The following OLFM1 variants were observed in gnomAD, a reference collection of about 807,000 sequenced individuals.
OLFM1 encodes olfactomedin 1, also known as noelin.
A neutral mutation model predicts 49.7 loss-of-function variants in OLFM1; 9 were observed. The ratio of observed to expected loss-of-function variants is 0.18; its 90% confidence interval spans 0.11 to 0.32. The LOEUF (loss-of-function observed/expected upper bound fraction) is 0.32, where lower values mean the gene tolerates loss of function less well. OLFM1 is among the 10% of genes least tolerant of loss of function. The pLI is 1.00. For synonymous variants in OLFM1, 240 were observed against 271.8 expected, an observed-to-expected ratio of 0.88 and a Z score of 1.15; for missense variants, 369 against 661.8, an observed-to-expected ratio of 0.56 and a Z score of 4.85.
intron 3 of OLFM1, chr9:135,097,959 G>C: frequency 7.0e-7 from 1 of 1,437,846 alleles, no homozygotes; most frequent in Non-Finnish European, 9.1e-7. Context: ...CTTTGCATGC[G>C]ACTGTAGCTG....
At chr9:135,083,274 C>T (rs762212264), upstream of OLFM1, among the ~76,000 whole-genome samples, 17 of 152,162 alleles carry the variant, frequency 1.1e-4, no homozygotes, top group African/African-American at 1.4e-4. Context: ...CTTTTCCATT[C>T]GGCAACTAAG....
chr9:135,106,553 G>A, intron 4 of OLFM1, 196 bp from the exon 5 acceptor site: 1 of 583,254 alleles, frequency 1.7e-6, no homozygotes, highest in Admixed American at 3.0e-5. Flanking sequence ...GTTTTGGGGA[G>A]GAGGTGGCTT....
chr9:135,119,107 AAGTGCTCACCG>A, intron 5 of OLFM1, among the ~76,000 whole-genome samples: 1 of 138,496 alleles, frequency 7.2e-6, no homozygotes. Flanking sequence ...GGGCCTTTGG[AAGTGCTCACCG>A]GGTCTTTGGA....
chr9:135,115,000 G>C (rs1027859267), intron 5 of OLFM1, among the ~76,000 whole-genome samples: 4 of 152,184 alleles, frequency 2.6e-5, no homozygotes, highest in Non-Finnish European at 5.9e-5. Flanking sequence ...GAAGGATGAG[G>C]CCAGGCAGGA....
chr9:135,082,379 C>T (rs767749449), intron 1 of OLFM1, among the ~76,000 whole-genome samples: 5 of 144,876 alleles, frequency 3.5e-5, no homozygotes, highest in Non-Finnish European at 6.1e-5. Context: ...GGGGATTTCC[C>T]TACCATACAA....
chr9:135,108,355 C>T (rs1016803159), intron 5 of OLFM1, among the ~76,000 whole-genome samples: 1 of 152,078 alleles, frequency 6.6e-6, no homozygotes, highest in African/African-American at 2.4e-5. Context: ...AAAGCAGGCC[C>T]GGGCACAGTG....
At chr9:135,101,220 G>A (rs1830865895) in intron 4 of OLFM1, among the ~76,000 whole-genome samples, 1 of 152,074 alleles carries the variant, frequency 6.6e-6, no homozygotes, top group Admixed American at 6.5e-5. Flanking sequence ...TGTGAGACGT[G>A]GCCTCCAGTA....
intron 2 of OLFM1, among the ~76,000 whole-genome samples, chr9:135,091,686 C>CACACACAG (rs879403147): frequency 0.63 from 24,497 of 38,592 alleles, 6,059 homozygotes; most frequent in East Asian, 0.75. Context: ...CACACATAGT[C>CACACACAG]TCACACACAC....
rs534746950 is a variant in OLFM1, at chr9:135,098,815, T to C, written c.676+310T>C. 5.3e-5 allele frequency among the ~76,000 whole-genome samples: 8 copies of C among 152,342 alleles called. No homozygotes were observed. Among genetic ancestry groups the C allele is most frequent in the African/African-American group, 1.9e-4 (8 of 41,578 alleles). ...TGTGTGAATCGTATGTGTGTGTGCA[T>C]TGAAGACACCAGTTTAATAGGGCTG... On this transcript the variant is annotated intron_variant, in intron 4 of 5. Coordinates refer to ENST00000371793, the MANE Select transcript of OLFM1 (RefSeq NM_001282611.2). This position sits in a 1 kb window ranked among gnomAD's most constrained non-coding sequence, Gnocchi z 5.6.
In OLFM1 at chr9:135,088,874, T is replaced by A. The variant is rs900348926; in HGVS notation, c.150+735T>A. On this transcript the variant is annotated intron_variant, in intron 1 of 5. Coordinates refer to ENST00000371793, the MANE Select transcript of OLFM1 (RefSeq NM_001282611.2). The surrounding 1 kb of genome is among the most constrained non-coding windows in gnomAD (Gnocchi z 4.8). ...CTGAAATTGAAATCGCGTCTCCCTCTCGAGCCTAGCGGGAGGGGAACCGTG... is the reference window on the plus strand; with the variant it reads ...CTGAAATTGAAATCGCGTCTCCCTCACGAGCCTAGCGGGAGGGGAACCGTG... Among the ~76,000 whole-genome samples the A allele has an allele frequency of 2.6e-5, 4 of 152,078 alleles. No homozygotes were observed. Among genetic ancestry groups the A allele is most frequent in the Non-Finnish European group, 5.9e-5 (4 of 68,002 alleles).
At position 135,120,267 on chromosome 9, in the gene OLFM1, C is replaced by T. The variant is rs925826918; in HGVS notation, c.*89C>T. On this transcript the variant is annotated 3_prime_UTR_variant, in exon 6 of 6. Transcript: ENST00000371793. ...GCCAAAAAGATACCAATAACACTAA[C>T]AATACCGATCTTGAAAAATCATCAG... The T allele has an allele frequency of 1.1e-4, 115 of 1,095,108 alleles. No individual in the cohort carries two copies. Among genetic ancestry groups the T allele is most frequent in the Non-Finnish European group, 1.3e-4 (99 of 763,248 alleles). 67.8% of individuals were successfully genotyped at this position (1,095,108 alleles called of 1,614,324 possible). A position where few individuals can be genotyped will look rare whatever the true frequency, so the allele number is the denominator to read the frequency against.
In OLFM1 at chr9:135,095,838, T is replaced by C. The variant is rs773092906; in HGVS notation, c.301-26T>C. The C allele has an allele frequency of 1.6e-5, 26 of 1,610,424 alleles. No individual in the cohort carries two copies. In the Admixed American group the frequency reaches 3.7e-4, roughly 23 times the overall value. ...TGCCTGGCACCTACTGCGGCTGTTT[T>C]GCTGAACCTGTTGCCCTTTTGACAG... On this transcript the variant is annotated intron_variant, in intron 2 of 5. Transcript: ENST00000371793.
intron 4 of OLFM1, among the ~76,000 whole-genome samples, chr9:135,100,938 TTG>T (rs1830862442): frequency 6.6e-6 from 1 of 152,018 alleles, no homozygotes; most frequent in Non-Finnish European, 1.5e-5. Context: ...GATTGATTGA[TTG>T]ATTGATAGAT....
upstream of OLFM1, among the ~76,000 whole-genome samples, chr9:135,084,047 G>C (rs1830564945): frequency 6.6e-6 from 1 of 152,360 alleles, no homozygotes; most frequent in East Asian, 1.9e-4. The surrounding 1 kb of genome is among the most constrained non-coding windows in gnomAD (Gnocchi z 4.6). Flanking sequence ...TGTGAACCCA[G>C]AGGCCTCAGA....
chr9:135,082,989 T>G (rs1830551211), upstream of OLFM1, among the ~76,000 whole-genome samples: 1 of 152,192 alleles, frequency 6.6e-6, no homozygotes, highest in African/African-American at 2.4e-5. Flanking sequence ...TGGTGCCACC[T>G]GGGGCATTTT....
intron 5 of OLFM1, among the ~76,000 whole-genome samples, chr9:135,115,991 T>C (rs1831090714): frequency 1.3e-5 from 2 of 152,172 alleles, no homozygotes; most frequent in Admixed American, 1.3e-4. Context: ...GAAAGAACGA[T>C]AGGTCCTGCC....
Position 135,075,735 on chromosome 9 carries a change from A to T in OLFM1, c.29A>T (p.Asp10Val), listed in dbSNP as rs145950148. Residue 10 changes from aspartate to valine, a missense_variant, in exon 1 of 6, where the codon GAC becomes GTC. Coordinates refer to the OLFM1 transcript ENST00000252854. Reference sequence around the variant, plus strand: ...CCAGGTCGTTGGAGGTGGCAGCGAGACATGCACCCGGCCCGGAAGCTCCTC... The same window carrying T: ...CCAGGTCGTTGGAGGTGGCAGCGAGTCATGCACCCGGCCCGGAAGCTCCTC... 6.2e-4 allele frequency: 987 copies of T among 1,604,402 alleles called. 5 individuals are homozygous for T. Among genetic ancestry groups the T allele is most frequent in the Admixed American group, 3.7e-4 (22 of 59,498 alleles).
chr9:135,076,462 G>C, intron 1 of OLFM1: 1 of 1,413,302 alleles, frequency 7.1e-7, no homozygotes, highest in Non-Finnish European at 9.3e-7. Flanking sequence ...GTCGTACCCT[G>C]AACAATGTAT....
chr9:135,091,791 TCACACAGTCA>T (rs1830712277), intron 2 of OLFM1, among the ~76,000 whole-genome samples: 1 of 84,816 alleles, frequency 1.2e-5, no homozygotes. Context: ...TCACACATAG[TCACACAGTCA>T]CACACACTCA....
Sources: allele counts gnomAD v4.1 joint callset (sites outside exome capture counted in the v4.1 genomes callset), GRCh38; gene constraint gnomAD v4.1.1; non-coding constraint Gnocchi (gnomAD v3.1); transcripts MANE v1.5; gene names NCBI Gene and HGNC (gene_info 2026-07-23, HGNC 2026-07-21).